The following ITGAL variants were observed in gnomAD, a reference collection of about 807,000 sequenced individuals.
The protein encoded by ITGAL is integrin alpha-L.
A neutral mutation model predicts 138.4 loss-of-function variants in ITGAL; 68 were observed. The observed-to-expected ratio is 0.49, with a 90% confidence interval of 0.40 to 0.60. ITGAL has a LOEUF of 0.60. Ranked by LOEUF, ITGAL falls within the 20% of genes least tolerant of loss-of-function variation. ITGAL has a pLI of 0.00. For missense variants in ITGAL, 1,256 were observed against 1,478.6 expected (o/e 0.85, Z 2.47); for synonymous variants, 561 against 584.3 (o/e 0.96, Z 0.57).
At chr16:30,498,999 G>T in intron 15 of ITGAL, 75 bp from the exon 16 acceptor site, 1 of 1,451,666 alleles carries the variant, frequency 6.9e-7, no homozygotes, top group Non-Finnish European at 9.5e-7. Context: ...TGGCTTTGCT[G>T]GCGGGAGCCC....
intron 25 of ITGAL, 87 bp downstream of exon 25, chr16:30,513,933 A>G: frequency 4.1e-6 from 4 of 979,064 alleles, no homozygotes; most frequent in Non-Finnish European, 6.6e-6. Context: ...AAGTAGACAC[A>G]GTACTCATCC....
chr16:30,513,774 A>G lies in ITGAL; in HGVS notation c.2790A>G (p.Gln930=). Reference sequence around the variant, plus strand: ...CGCTGCCCTTCTCTCTCCGCAGCCAAGAAGACTCCACACTCTATGTCAGTT... The same window carrying G: ...CGCTGCCCTTCTCTCTCCGCAGCCAGGAAGACTCCACACTCTATGTCAGTT... ...LYPINILIQD[Q]EDSTLYVSFT... The change falls in exon 25 of 31, where the codon CAA becomes CAG. Residue 930 remains glutamine, a synonymous_variant. Coordinates refer to ENST00000356798, the MANE Select transcript of ITGAL (RefSeq NM_002209.3). The G allele has an allele frequency of 6.2e-7, 1 of 1,613,434 alleles. No homozygotes were observed. Among genetic ancestry groups the G allele is most frequent in the Non-Finnish European group, 8.5e-7 (1 of 1,179,424 alleles).
intron 28 of ITGAL, 130 bp downstream of exon 28, chr16:30,518,025 A>G (rs1357906590): frequency 2.8e-6 from 2 of 719,338 alleles, no homozygotes; most frequent in East Asian, 5.3e-5. Flanking sequence ...TCCCATTTAC[A>G]CAGTCACAGG....
rs762192654 is a variant in ITGAL, at chr16:30,496,235, C to T, written c.1642C>T (p.Gln548Ter). The stretch of plus-strand genomic sequence containing the variant: ...GGCTGTGGGGGCCCCTCTGGAGGAG[C>T]AGGGGGCTGTGTACATCTTCAATGG... ...DVAVGAPLEE[Q>*]GAVYIFNGRH... Residue 548 changes from glutamine (Q) to a stop codon, truncating the protein, a stop_gained, in exon 14 of 31, where the codon CAG becomes TAG. Coordinates refer to ENST00000356798, the MANE Select transcript of ITGAL (RefSeq NM_002209.3). LOFTEE classifies it high-confidence loss of function. The T allele has an allele frequency of 6.2e-7, 1 of 1,608,704 alleles. No individual in the cohort carries two copies. Among genetic ancestry groups the T allele is most frequent in the Admixed American group, 1.7e-5 (1 of 59,372 alleles).
chr16:30,488,796 G>A, intron 9 of ITGAL: 1 of 413,956 alleles, frequency 2.4e-6, no homozygotes, highest in Non-Finnish European at 4.6e-6. Context: ...AGGGTTGCTT[G>A]AGCTTGGGTG....
rs368923569 is a variant in ITGAL at position 30,481,462 on chromosome 16, A to G, written c.600A>G (p.Thr200=). The G allele has an allele frequency of 3.2e-5, 51 of 1,612,734 alleles. No individual in the cohort carries two copies. Among genetic ancestry groups the G allele is most frequent in the South Asian group, 7.7e-5 (7 of 90,820 alleles). ...AGTTTGCTGCTGTTCAGTTTTCCACAAGCTACAAAACAGAATTTGATTTCT... is the reference window on the plus strand; with the variant it reads ...AGTTTGCTGCTGTTCAGTTTTCCACGAGCTACAAAACAGAATTTGATTTCT... ...SYQFAAVQFS[T]SYKTEFDFSD... is the part of the protein sequence containing the mutation. The change falls in exon 7 of 31, where the codon ACA becomes ACG. Residue 200 remains threonine, a synonymous_variant. Coordinates refer to ENST00000356798, the MANE Select transcript of ITGAL (RefSeq NM_002209.3).
At chr16:30,515,421 A>G (rs1238647028) in intron 25 of ITGAL, among the ~76,000 whole-genome samples, 1 of 152,130 alleles carries the variant, frequency 6.6e-6, no homozygotes, top group African/African-American at 2.4e-5. Flanking sequence ...TCATGCCTGC[A>G]GGGGATGGAC....
At chr16:30,496,325 A>G in intron 14 of ITGAL, 31 bp downstream of exon 14, 1 of 1,603,972 alleles carries the variant, frequency 6.2e-7, no homozygotes, top group South Asian at 1.1e-5. Context: ...ATCACACTCC[A>G]TTCTCAGGTG....
intron 1 of ITGAL, chr16:30,473,831 G>A: frequency 2.3e-6 from 1 of 436,996 alleles, no homozygotes; most frequent in South Asian, 1.7e-5. Context: ...GAAGTGGGTG[G>A]CAGAGGCGCA....
chr16:30,478,136 C>T (rs1208973798), intron 4 of ITGAL, among the ~76,000 whole-genome samples: 1 of 148,664 alleles, frequency 6.7e-6, no homozygotes, highest in Non-Finnish European at 1.5e-5. Context: ...GAGTTTGAGA[C>T]CATCCTGGCC....
intron 4 of ITGAL, among the ~76,000 whole-genome samples, chr16:30,478,104 A>G (rs1303555069): frequency 6.6e-6 from 1 of 151,920 alleles, no homozygotes; most frequent in Non-Finnish European, 1.5e-5. Context: ...TGGGAGGCCG[A>G]GGTGGGCAGA....
chr16:30,501,870 A>G (rs1323867583), intron 17 of ITGAL, among the ~76,000 whole-genome samples: 2 of 151,828 alleles, frequency 1.3e-5, no homozygotes, highest in Non-Finnish European at 2.9e-5. Flanking sequence ...TTCTCTACAA[A>G]AAACACCAAA....
intron 24 of ITGAL, among the ~76,000 whole-genome samples, chr16:30,513,305 A>G (rs1366293339): frequency 6.6e-6 from 1 of 152,176 alleles, no homozygotes; most frequent in East Asian, 1.9e-4. Context: ...GACTGCCTGG[A>G]CATGGGAGGC....
chr16:30,474,325 C>A (rs1416920201), intron 2 of ITGAL, 27 bp downstream of exon 2: 2 of 1,513,162 alleles, frequency 1.3e-6, no homozygotes, highest in African/African-American at 2.7e-5. Context: ...AAGTCCTCCT[C>A]CTGATGCCCG....
intron 25 of ITGAL, 72 bp downstream of exon 25, chr16:30,513,918 G>A: frequency 4.4e-6 from 5 of 1,127,986 alleles, no homozygotes; most frequent in Non-Finnish European, 5.4e-6. Context: ...GAGGATGCAG[G>A]CACCAAGTAG....
Position 30,519,901 on chromosome 16 carries a change from C to T in ITGAL, c.3273C>T (p.Tyr1091=). The change falls in exon 30 of 31, where the codon TAC becomes TAT. Residue 1091 remains tyrosine (Y), a synonymous_variant. Transcript: ENST00000356798. ...TGGTGTATGAGAAGCAGATGCTCTA[C>T]CTCTACGTGCTGAGCGGCATCGGGG... ...VDVVYEKQML[Y]LYVLSGIGGL... is the part of the protein sequence containing the mutation. The T allele has an allele frequency of 6.2e-7, 1 of 1,614,014 alleles. No individual in the cohort carries two copies. Among genetic ancestry groups the T allele is most frequent in the Non-Finnish European group, 8.5e-7 (1 of 1,179,982 alleles).
rs757669909 is a variant in ITGAL, at chr16:30,499,106, T to C, written c.1865T>C (p.Met622Thr). 39 of 1,614,024 alleles carry C rather than the reference T, an allele frequency of 2.4e-5. No individual in the cohort carries two copies. Among genetic ancestry groups the C allele is most frequent in the Non-Finnish European group, 3.3e-5 (39 of 1,180,028 alleles). ...SRPVVDMVTL[M>T]SFSPAEIPVH... ...CCCGTGGTGGATATGGTCACCCTGA[T>C]GTCCTTCTCTCCAGCTGAGATCCCA... Residue 622 changes from methionine (M) to threonine (T), a missense_variant, in exon 16 of 31, where the codon ATG (methionine) becomes ACG (threonine). Met to Thr is a moderately conservative substitution (Grantham distance 81, BLOSUM62 -1). Around this residue, in one of 3 missense-constraint regions of ITGAL, gnomAD observed 867 missense variants for 972.5 expected, o/e 0.89. Coordinates refer to ENST00000356798, the MANE Select transcript of ITGAL (RefSeq NM_002209.3).
rs200515472 is a variant in ITGAL, at chr16:30,513,767, G to A, written c.2787-4G>A. ...CTTCCATCGCTGCCCTTCTCTCTCC[G>A]CAGCCAAGAAGACTCCACACTCTAT... On this transcript the variant is annotated splice_polypyrimidine_tract_variant and splice_region_variant and intron_variant, in intron 24 of 30. Coordinates refer to ENST00000356798, the MANE Select transcript of ITGAL (RefSeq NM_002209.3). 48 of 1,612,442 alleles carry A rather than the reference G, an allele frequency of 3.0e-5. No individual in the cohort carries two copies. The highest frequency in any genetic ancestry group is 2.9e-4 in the East Asian group (13 of 44,868).
intron 9 of ITGAL, among the ~76,000 whole-genome samples, chr16:30,484,545 T>C (rs1339086486): frequency 2.0e-5 from 3 of 151,248 alleles, no homozygotes; most frequent in African/African-American, 4.9e-5. Flanking sequence ...GAGGCAGAGG[T>C]TGCAGTGAGC....
Sources: allele counts gnomAD v4.1 joint callset (sites outside exome capture counted in the v4.1 genomes callset), GRCh38; gene constraint gnomAD v4.1.1; regional missense constraint gnomAD v4.1.1; transcripts MANE v1.5; gene names NCBI Gene and HGNC (gene_info 2026-07-23, HGNC 2026-07-21).